CLIC6: variants seen among roughly 807,000 people sequenced by gnomAD.
CLIC6 encodes the protein CLIC family member 6.
CLIC6 carries 39 observed loss-of-function variants against 49.2 expected under a neutral mutation model. The observed-to-expected ratio is 0.79, with a 90% CI of 0.61 to 1.04. CLIC6 has a LOEUF of 1.04. CLIC6 is among the 50% of genes least tolerant of loss of function. The probability of loss-of-function intolerance (pLI) is 0.00; values close to 1 mark genes in which losing one functional copy is unlikely to be tolerated. For synonymous variants in CLIC6, 446 were observed against 433.4 expected, an observed-to-expected ratio of 1.03 and a Z score of -0.36; for missense variants, 988 against 993.1, an observed-to-expected ratio of 0.99 and a Z score of 0.07.
chr21:34,698,190 G>A (rs181832609), intron 1 of CLIC6, among the ~76,000 whole-genome samples: 2 of 152,328 alleles, frequency 1.3e-5, no homozygotes, highest in South Asian at 2.1e-4. Flanking sequence ...GTTTTCATGG[G>A]GTACCTTCCG....
At chr21:34,682,185 C>G (rs1989790282) in intron 1 of CLIC6, among the ~76,000 whole-genome samples, 1 of 152,142 alleles carries the variant, frequency 6.6e-6, no homozygotes, top group South Asian at 2.1e-4. Context: ...AATGGCATTG[C>G]TACGGGAAAG....
At chr21:34,681,110 T>C (rs1989771355) in intron 1 of CLIC6, among the ~76,000 whole-genome samples, 1 of 152,236 alleles carries the variant, frequency 6.6e-6, no homozygotes. Flanking sequence ...AGGAAAGAAG[T>C]TTAATTGACT....
At chr21:34,677,221 A>G (rs1989689927) in intron 1 of CLIC6, among the ~76,000 whole-genome samples, 1 of 152,194 alleles carries the variant, frequency 6.6e-6, no homozygotes, top group South Asian at 2.1e-4. Flanking sequence ...CCAGTTTTGA[A>G]TTTAAGACAG....
chr21:34,683,825 CT>C (rs756997513), intron 1 of CLIC6, among the ~76,000 whole-genome samples: 4 of 152,188 alleles, frequency 2.6e-5, no homozygotes, highest in Non-Finnish European at 5.9e-5. Context: ...AATTAAACCT[CT>C]TTTCTTTATA....
At chr21:34,700,982 A>G (rs1222914351) in intron 1 of CLIC6, among the ~76,000 whole-genome samples, 1 of 138,394 alleles carries the variant, frequency 7.2e-6, no homozygotes, top group Admixed American at 7.0e-5. Flanking sequence ...TTGCTTTGCA[A>G]TTTAGAAAGG....
At chr21:34,689,050 A>G (rs1989938273) in intron 1 of CLIC6, among the ~76,000 whole-genome samples, 1 of 152,202 alleles carries the variant, frequency 6.6e-6, no homozygotes, top group South Asian at 2.1e-4. Context: ...GAGGTGGGCC[A>G]GCTCTCTCGC....
At chr21:34,696,970 C>G (rs763793620) in intron 1 of CLIC6, among the ~76,000 whole-genome samples, 4 of 152,082 alleles carry the variant, frequency 2.6e-5, no homozygotes, top group Non-Finnish European at 5.9e-5. Context: ...ACAGGGCACT[C>G]TTTTCTCACC....
At chr21:34,700,275 G>A (rs1189360046) in intron 1 of CLIC6, among the ~76,000 whole-genome samples, 1 of 142,086 alleles carries the variant, frequency 7.0e-6, no homozygotes, top group East Asian at 2.0e-4. Flanking sequence ...GTGAAACCCC[G>A]TCTCTACTAA....
At chr21:34,709,815 CTG>C (rs1337168863) in intron 5 of CLIC6, among the ~76,000 whole-genome samples, 1 of 152,184 alleles carries the variant, frequency 6.6e-6, no homozygotes, top group Non-Finnish European at 1.5e-5. Context: ...TGAAAGCAGC[CTG>C]AGGAATTTCG....
At chr21:34,672,094 T>G (rs1352565452) in intron 1 of CLIC6, among the ~76,000 whole-genome samples, 1 of 152,214 alleles carries the variant, frequency 6.6e-6, no homozygotes, top group Non-Finnish European at 1.5e-5. Flanking sequence ...AGCACAGTTT[T>G]GATGGACAGT....
intron 1 of CLIC6, among the ~76,000 whole-genome samples, chr21:34,672,053 A>C (rs1989577305): frequency 6.6e-6 from 1 of 152,128 alleles, no homozygotes; most frequent in Non-Finnish European, 1.5e-5. Context: ...CTGTGGTTGT[A>C]AGGATACATG....
At chr21:34,711,072 C>T (rs1346070858) in intron 5 of CLIC6, among the ~76,000 whole-genome samples, 2 of 152,158 alleles carry the variant, frequency 1.3e-5, no homozygotes, top group Non-Finnish European at 2.9e-5. Context: ...GCTCCAGATA[C>T]CTCAGGAAGA....
chr21:34,685,404 G>A (rs1242525883), intron 1 of CLIC6, among the ~76,000 whole-genome samples: 2 of 152,220 alleles, frequency 1.3e-5, no homozygotes, highest in African/African-American at 4.8e-5. Flanking sequence ...CAAACTAAAG[G>A]TGTTATTGGT....
chr21:34,711,127 C>T (rs1020168070), intron 5 of CLIC6, among the ~76,000 whole-genome samples: 2 of 152,210 alleles, frequency 1.3e-5, no homozygotes, highest in African/African-American at 4.8e-5. Context: ...AAAATCCTGC[C>T]AGGGCCAGAG....
intron 1 of CLIC6, among the ~76,000 whole-genome samples, chr21:34,705,209 G>A (rs931779447): frequency 1.3e-5 from 2 of 152,142 alleles, no homozygotes; most frequent in African/African-American, 2.4e-5. Context: ...TCCCCGCTCC[G>A]CCTTTGCTTG....
rs1332755180 is a variant in CLIC6 at position 34,703,019 on chromosome 21, C to T, written c.1375-4261C>T. On this transcript the variant is annotated intron_variant, in intron 1 of 5. Transcript: ENST00000349499. Reference sequence around the variant, plus strand: ...ACGCTGGAATGGAGCGGCCCATTATCACTCACTCACTCTCCACATCCTGCG... The same window carrying T: ...ACGCTGGAATGGAGCGGCCCATTATTACTCACTCACTCTCCACATCCTGCG... 2.7e-5 allele frequency among the ~76,000 whole-genome samples: 4 copies of T among 147,804 alleles called. No individual in the cohort carries two copies. In the East Asian group the frequency reaches 7.8e-4, roughly 29 times the overall value.
In CLIC6 at chr21:34,669,278, G is replaced by A. The variant is rs62213788; in HGVS notation, c.-111G>A. ...ACCTTTGCCGCAGGATCCCGGAGCC[G>A]GCGTCCTTCAAGGAGCACAGAGGGC... On this transcript the variant is annotated 5_prime_UTR_variant, in exon 1 of 6. Coordinates refer to ENST00000349499, the MANE Select transcript of CLIC6 (RefSeq NM_053277.3). 192,005 of 913,488 alleles carry A rather than the reference G, an allele frequency of 0.21. 21,105 individuals carry two copies. The highest frequency in any genetic ancestry group is 0.24 in the South Asian group (4,105 of 17,358). The allele number at this position is 913,488 out of a possible 1,614,324, so 56.6% of individuals were successfully genotyped here. A position where few individuals can be genotyped will look rare whatever the true frequency, so the allele number is the denominator to read the frequency against.
At position 34,675,359 on chromosome 21, in the gene CLIC6, T is replaced by C. The variant is rs1989642960; in HGVS notation, c.1374+4597T>C. ...GGACTCCTGGTAGAACGGTAAGCTGTGGCTCTCTGTGGACATGTCACTGGG... is the reference window on the plus strand; with the variant it reads ...GGACTCCTGGTAGAACGGTAAGCTGCGGCTCTCTGTGGACATGTCACTGGG... On this transcript the variant is annotated intron_variant, in intron 1 of 5. Transcript: ENST00000349499. Among the ~76,000 whole-genome samples, 4 of 151,778 alleles carry C rather than the reference T, an allele frequency of 2.6e-5. No individual in the cohort carries two copies. The South Asian group carries it at 6.2e-4, about 24-fold the overall frequency.
At chr21:34,673,134 G>T (rs529012831) in intron 1 of CLIC6, among the ~76,000 whole-genome samples, 3 of 152,304 alleles carry the variant, frequency 2.0e-5, no homozygotes, top group South Asian at 2.1e-4. Flanking sequence ...AGGAGTTTGT[G>T]TGGGCAGAAG....
Sources: allele counts gnomAD v4.1 joint callset (sites outside exome capture counted in the v4.1 genomes callset), GRCh38; gene constraint gnomAD v4.1.1; transcripts MANE v1.5; gene names NCBI Gene and HGNC (gene_info 2026-07-23, HGNC 2026-07-21).